TBL1XR1: variants seen among roughly 807,000 people sequenced by gnomAD.
The protein encoded by TBL1XR1 is TBL1X/Y related 1, also known as F-box-like/WD repeat-containing protein TBL1XR1.
TBL1XR1 carries 5 observed loss-of-function variants against 66.9 expected under a neutral mutation model. That is an observed-to-expected ratio of 0.07 (90% CI 0.04 to 0.16). The LOEUF is 0.16. Among genes scored for constraint, TBL1XR1 ranks in the 10% least tolerant of loss-of-function variants. The pLI is 1.00. For missense variants in TBL1XR1, 238 were observed against 623.2 expected, an observed-to-expected ratio of 0.38 and a Z score of 6.58; for synonymous variants, 210 against 206.0, an observed-to-expected ratio of 1.02 and a Z score of -0.17.
intron 9 of TBL1XR1, among the ~76,000 whole-genome samples, chr3:177,047,075 C>T (rs955856127): frequency 6.6e-6 from 1 of 152,118 alleles, no homozygotes; most frequent in Non-Finnish European, 1.5e-5. Flanking sequence ...GTTTATGGTT[C>T]AAATTCCAGG....
chr3:177,030,542 A>G (rs1381483644), intron 14 of TBL1XR1, among the ~76,000 whole-genome samples: 1 of 152,138 alleles, frequency 6.6e-6, no homozygotes, highest in African/African-American at 2.4e-5. Flanking sequence ...GCCTCTAGGA[A>G]GGAAGAGGAA....
intron 1 of TBL1XR1, among the ~76,000 whole-genome samples, chr3:177,192,104 A>AG (rs1736218967): frequency 6.6e-6 from 1 of 150,952 alleles, no homozygotes; most frequent in Non-Finnish European, 1.5e-5. Context: ...AAAAAAAAAA[A>AG]AAAAGAGTTG....
chr3:177,123,467 C>T (rs1727231766), intron 1 of TBL1XR1, among the ~76,000 whole-genome samples: 1 of 151,942 alleles, frequency 6.6e-6, no homozygotes, highest in South Asian at 2.1e-4. Flanking sequence ...ATTGGGCAAA[C>T]AAGATAAATA....
chr3:177,098,352 C>T (rs1475558736), intron 2 of TBL1XR1, 114 bp downstream of exon 2: 6 of 403,766 alleles, frequency 1.5e-5, no homozygotes, highest in Non-Finnish European at 2.0e-5. Context: ...AAAACACTTA[C>T]TTAGCTTGGG....
chr3:177,172,187 G>A (rs1233608147), intron 1 of TBL1XR1, among the ~76,000 whole-genome samples: 3 of 151,488 alleles, frequency 2.0e-5, no homozygotes, highest in Non-Finnish European at 4.4e-5. Flanking sequence ...CTTGAACCCG[G>A]GAGGCAGAGG....
intron 2 of TBL1XR1, among the ~76,000 whole-genome samples, chr3:177,068,998 TTCTC>T (rs752423520): frequency 4.6e-5 from 7 of 152,232 alleles, no homozygotes; most frequent in Non-Finnish European, 1.0e-4. Flanking sequence ...TTACTTTTCC[TTCTC>T]TCTTTCATTG....
At chr3:177,045,686 T>C (rs1229594561) in intron 10 of TBL1XR1, among the ~76,000 whole-genome samples, 3 of 152,146 alleles carry the variant, frequency 2.0e-5, no homozygotes. Flanking sequence ...TAGGAGTCTA[T>C]ACAGTATTTT....
chr3:177,103,575 T>C (rs1724497394), intron 1 of TBL1XR1, among the ~76,000 whole-genome samples: 1 of 152,206 alleles, frequency 6.6e-6, no homozygotes, highest in African/African-American at 2.4e-5. Flanking sequence ...GCAAATGATA[T>C]ATTTTGACTG....
chr3:177,112,098 TATATATA>T (rs1354818345), intron 1 of TBL1XR1, among the ~76,000 whole-genome samples: 5 of 53,826 alleles, frequency 9.3e-5, no homozygotes, highest in East Asian at 6.4e-4. Context: ...TATATATATA[TATATATA>T]TATTTTTTTT....
At chr3:177,195,215 A>C (rs1207276897) in intron 1 of TBL1XR1, among the ~76,000 whole-genome samples, 2 of 152,046 alleles carry the variant, frequency 1.3e-5, no homozygotes, top group Admixed American at 6.6e-5. Context: ...ATCATATTCC[A>C]AACAAGAAAA....
chr3:177,087,238 T>A (rs1265416556), intron 2 of TBL1XR1, among the ~76,000 whole-genome samples: 1 of 150,868 alleles, frequency 6.6e-6, no homozygotes, highest in Admixed American at 6.6e-5. Flanking sequence ...AAAAAAAAAA[T>A]TAAACTAATC....
In TBL1XR1 at chr3:177,096,333, C is replaced by A. The variant is rs924994415; in HGVS notation, c.-46+2133G>T. Among the ~76,000 whole-genome samples, 5 of 142,126 alleles carry A rather than the reference C, an allele frequency of 3.5e-5. No individual in the cohort carries two copies. The Admixed American group carries it at 3.5e-4, about 10-fold the overall frequency. 93.2% of individuals were successfully genotyped at this position (142,126 alleles called of 152,430 possible). On this transcript the variant is annotated intron_variant, in intron 2 of 15. Coordinates refer to ENST00000457928, the MANE Select transcript of TBL1XR1 (RefSeq NM_024665.7). ...TCTCTAACACACACTAACATACATA[C>A]ATACACACACACACACACACTTAAA... is the stretch of plus-strand genomic sequence containing the variant.
chr3:177,132,073 C>T (rs1008164986), intron 1 of TBL1XR1, among the ~76,000 whole-genome samples: 1 of 152,158 alleles, frequency 6.6e-6, no homozygotes, highest in African/African-American at 2.4e-5. Flanking sequence ...AACCATGAAT[C>T]CCAAGAGCTA....
chr3:177,049,903 T>C, intron 7 of TBL1XR1, 94 bp downstream of exon 7: 1 of 1,426,856 alleles, frequency 7.0e-7, no homozygotes. Context: ...AAACCCCAAA[T>C]TCTGAACAAA....
chr3:177,053,368 C>G (rs1240434359), intron 4 of TBL1XR1, among the ~76,000 whole-genome samples: 1 of 152,186 alleles, frequency 6.6e-6, no homozygotes, highest in African/African-American at 2.4e-5. Context: ...GCCAAACAAA[C>G]TACTCACATG....
intron 1 of TBL1XR1, among the ~76,000 whole-genome samples, chr3:177,150,581 T>TCTGTTTTTC (rs1730766778): frequency 6.6e-6 from 1 of 152,336 alleles, no homozygotes; most frequent in African/African-American, 2.4e-5. Context: ...GTCCTCAGAT[T>TCTGTTTTTC]CAGGTACTGT....
intron 1 of TBL1XR1, among the ~76,000 whole-genome samples, chr3:177,135,333 G>GTGTGTATA (rs1560213907): frequency 3.7e-5 from 2 of 53,818 alleles, no homozygotes; most frequent in Non-Finnish European, 3.7e-5. Context: ...GTGTGTGTGT[G>GTGTGTATA]TATACATATA....
chr3:177,083,921 C>G (rs895121130), intron 2 of TBL1XR1, among the ~76,000 whole-genome samples: 3 of 151,728 alleles, frequency 2.0e-5, no homozygotes, highest in Non-Finnish European at 4.4e-5. Context: ...AACCCCATCT[C>G]TACTAAAAAT....
Position 177,025,425 on chromosome 3 carries a change from G to C in TBL1XR1, c.*73C>G. On this transcript the variant is annotated 3_prime_UTR_variant, in exon 16 of 16. Coordinates refer to ENST00000457928, the MANE Select transcript of TBL1XR1 (RefSeq NM_024665.7). Reference sequence around the variant, plus strand: ...CCATGGTTCAAGTGGGACTATAGCAGTACATGGGTCAGGGACAGTCATTTT... The same window carrying C: ...CCATGGTTCAAGTGGGACTATAGCACTACATGGGTCAGGGACAGTCATTTT... 6.6e-7 allele frequency: 1 copy of C among 1,517,414 alleles called. No individual in the cohort carries two copies. The highest frequency in any genetic ancestry group is 9.1e-7 in the Non-Finnish European group (1 of 1,096,120). The allele number at this position is 1,517,414 out of a possible 1,614,324, so 94.0% of individuals were successfully genotyped here.
Sources: gnomAD v4.1 joint callset for allele counts (sites outside exome capture counted in the v4.1 genomes callset) on GRCh38, gnomAD v4.1.1 for gene constraint, MANE v1.5 for transcripts, NCBI Gene and HGNC (gene_info 2026-07-23, HGNC 2026-07-21) for gene names.